The following CTNNA3 variants were observed in gnomAD, a reference collection of about 807,000 sequenced individuals.
CTNNA3 encodes the protein catenin alpha 3, also known as catenin alpha-3.
CTNNA3 carries 76 observed loss-of-function variants against 95.7 expected under a neutral mutation model. That is an observed-to-expected ratio of 0.79 (90% CI 0.66 to 0.96). The LOEUF is 0.96. Ranked by LOEUF, CTNNA3 falls within the 40% of genes least tolerant of loss-of-function variation. The probability of loss-of-function intolerance (pLI) is 0.00; values close to 1 mark genes in which losing one functional copy is unlikely to be tolerated. For synonymous variants in CTNNA3, 431 were observed against 374.4 expected, an observed-to-expected ratio of 1.15 and a Z score of -1.74; for missense variants, 1,191 against 1,089.8, an observed-to-expected ratio of 1.09 and a Z score of -1.31.
At chr10:67,252,155 G>C (rs995435250) in intron 5 of CTNNA3, among the ~76,000 whole-genome samples, 2 of 150,058 alleles carry the variant, frequency 1.3e-5, no homozygotes, top group Non-Finnish European at 2.9e-5. Context: ...AGGTTGCAGT[G>C]AGCAGAGATT....
At chr10:66,506,178 C>T (rs558821402) in intron 11 of CTNNA3, among the ~76,000 whole-genome samples, 1 of 152,198 alleles carries the variant, frequency 6.6e-6, no homozygotes, top group East Asian at 1.9e-4. Flanking sequence ...AAGAGGATTG[C>T]TCCAAGCTGT....
chr10:67,454,208 C>A (rs114837700), intron 5 of CTNNA3, among the ~76,000 whole-genome samples: 1 of 152,116 alleles, frequency 6.6e-6, no homozygotes, highest in Non-Finnish European at 1.5e-5. Flanking sequence ...AATACAACAT[C>A]TTTTAAATTT....
At chr10:66,505,851 A>G (rs753761604) in intron 11 of CTNNA3, among the ~76,000 whole-genome samples, 1 of 152,192 alleles carries the variant, frequency 6.6e-6, no homozygotes, top group Non-Finnish European at 1.5e-5. Context: ...TAAAGTATAC[A>G]ACGTTACTAT....
chr10:67,057,764 C>T (rs1855526828), intron 7 of CTNNA3, among the ~76,000 whole-genome samples: 1 of 152,116 alleles, frequency 6.6e-6, no homozygotes, highest in Non-Finnish European at 1.5e-5. Flanking sequence ...CTCTCTCCCA[C>T]TCTCACTATT....
intron 9 of CTNNA3, among the ~76,000 whole-genome samples, chr10:66,727,647 C>T (rs1036314124): frequency 3.3e-5 from 5 of 151,974 alleles, no homozygotes; most frequent in Non-Finnish European, 7.4e-5. Flanking sequence ...AGAAGTAGCA[C>T]ACAGCTAAAA....
chr10:66,468,953 G>A (rs1424932504), intron 11 of CTNNA3, among the ~76,000 whole-genome samples: 2 of 151,748 alleles, frequency 1.3e-5, no homozygotes, highest in East Asian at 3.9e-4. Context: ...AAATAGTACT[G>A]TAATGAATAT....
At chr10:67,323,979 GTGAAT>G in intron 5 of CTNNA3, among the ~76,000 whole-genome samples, 1 of 152,166 alleles carries the variant, frequency 6.6e-6, no homozygotes, top group Admixed American at 6.5e-5. Context: ...TGTGACACCT[GTGAAT>G]GAGATTATGT....
At chr10:66,933,156 C>A (rs772885656) in intron 7 of CTNNA3, among the ~76,000 whole-genome samples, 9 of 152,146 alleles carry the variant, frequency 5.9e-5, no homozygotes, top group Admixed American at 2.0e-4. Context: ...TTGGCATGAG[C>A]CAAAAAGAAA....
At chr10:66,310,128 A>G (rs1030226734) in intron 12 of CTNNA3, among the ~76,000 whole-genome samples, 4 of 149,014 alleles carry the variant, frequency 2.7e-5, no homozygotes, top group Admixed American at 6.7e-5. Context: ...AAAAAAAAAG[A>G]AAAAAAAAGG....
intron 7 of CTNNA3, among the ~76,000 whole-genome samples, chr10:67,052,440 G>A (rs899526701): frequency 2.6e-5 from 4 of 151,856 alleles, no homozygotes; most frequent in Non-Finnish European, 4.4e-5. Flanking sequence ...AACGAAATGG[G>A]CTTCACAAAT....
chr10:66,412,214 G>T (rs931376999), intron 11 of CTNNA3, among the ~76,000 whole-genome samples: 5 of 152,082 alleles, frequency 3.3e-5, no homozygotes, highest in Non-Finnish European at 5.9e-5. Flanking sequence ...TAATCAGAAA[G>T]ATAATAAAGT....
Position 66,928,145 on chromosome 10 carries a change from C to T in CTNNA3, c.1048-152621G>A, listed in dbSNP as rs772526300. 4.3e-6 allele frequency: 7 copies of T among 1,614,010 alleles called. No homozygotes were observed. In the East Asian group the frequency reaches 1.6e-4, roughly 36 times the overall value. ...ACAGAGCCCGGCCCAGAGACCGATG[C>T]TGACGCCGAGCACATCTCTTTCCAT... On this transcript the variant is annotated intron_variant, in intron 7 of 17. Coordinates refer to ENST00000433211, the MANE Select transcript of CTNNA3 (RefSeq NM_013266.4).
intron 13 of CTNNA3, among the ~76,000 whole-genome samples, chr10:66,178,440 T>TATACAC (rs2085855558): frequency 6.6e-5 from 7 of 105,766 alleles, no homozygotes; most frequent in South Asian, 2.8e-4. Context: ...TATATATATA[T>TATACAC]ATACACACAC....
At chr10:67,371,800 C>T (rs978135284) in intron 5 of CTNNA3, among the ~76,000 whole-genome samples, 2 of 152,202 alleles carry the variant, frequency 1.3e-5, no homozygotes, top group Non-Finnish European at 2.9e-5. Context: ...TGAAGAATCA[C>T]CACACTGTCT....
chr10:67,755,193 TA>T (rs200024475), intron 1 of CTNNA3, among the ~76,000 whole-genome samples: 344 of 136,706 alleles, frequency 2.5e-3, no homozygotes, highest in Non-Finnish European at 2.7e-3. Flanking sequence ...ACCTTATCTT[TA>T]AAAAAAAAAA....
At chr10:66,487,095 C>T (rs536558278) in intron 11 of CTNNA3, among the ~76,000 whole-genome samples, 3 of 142,258 alleles carry the variant, frequency 2.1e-5, no homozygotes, top group Non-Finnish European at 4.5e-5. Flanking sequence ...TGTTATAAGA[C>T]GAATAAGTTC....
chr10:66,274,065 G>C (rs768408160), intron 13 of CTNNA3, among the ~76,000 whole-genome samples: 29 of 152,074 alleles, frequency 1.9e-4, no homozygotes, highest in African/African-American at 6.8e-4. Flanking sequence ...TTTTCGTAAA[G>C]GCTAAAACAA....
chr10:66,185,327 T>C (rs2086274133), intron 13 of CTNNA3, among the ~76,000 whole-genome samples: 1 of 152,068 alleles, frequency 6.6e-6, no homozygotes, highest in South Asian at 2.1e-4. Context: ...TTCTGAAGAT[T>C]ATTCAGATAT....
chr10:67,673,656 A>T (rs1304874077), intron 1 of CTNNA3, among the ~76,000 whole-genome samples: 2 of 148,782 alleles, frequency 1.3e-5, no homozygotes, highest in Non-Finnish European at 3.0e-5. Flanking sequence ...TATATGCTGG[A>T]TTACATTTAT....
Sources: gnomAD v4.1 joint callset for allele counts (sites outside exome capture counted in the v4.1 genomes callset) on GRCh38, gnomAD v4.1.1 for gene constraint, MANE v1.5 for transcripts, NCBI Gene and HGNC (gene_info 2026-07-23, HGNC 2026-07-21) for gene names.